ZAN: variants seen among roughly 807,000 people sequenced by gnomAD.
ZAN encodes the protein zonadhesin (gene/pseudogene).
ZAN carries 260 observed loss-of-function variants against 286.2 expected under a neutral mutation model. That is an observed-to-expected ratio of 0.91 (90% CI 0.82 to 1.01). The LOEUF (loss-of-function observed/expected upper bound fraction) is 1.01, where lower values mean the gene tolerates loss of function less well. Ranked by LOEUF, ZAN falls within the 50% of genes least tolerant of loss-of-function variation. The probability of loss-of-function intolerance (pLI) is 0.00; values close to 1 mark genes in which losing one functional copy is unlikely to be tolerated. For missense variants in ZAN, 3,410 were observed against 3,639.2 expected (o/e 0.94, Z 1.62); for synonymous variants, 1,368 against 1,417.5 (o/e 0.97, Z 0.79).
rs753537017 is a variant in ZAN at position 100,746,691 on chromosome 7, C to G, written c.920C>G (p.Ala307Gly). 6.2e-7 allele frequency: 1 copy of G among 1,613,918 alleles called. No individual in the cohort carries two copies. Among genetic ancestry groups the G allele is most frequent in the East Asian group, 2.2e-5 (1 of 44,880 alleles). The change falls in exon 8 of 48, where the codon GCT becomes GGT. Residue 307 changes from alanine to glycine, a missense_variant. By Grantham distance (60) the Ala-to-Gly change is moderately conservative (BLOSUM62 0). Around this residue, in one of 7 missense-constraint regions of ZAN, gnomAD observed 872 missense variants for 938.9 expected, o/e 0.93. Transcript: ENST00000613979. ...CCTGGTGCAGCCCTCCACATTTATG[C>G]TTCAGTCTTGGGTTAGAGCGGAGAA... ...QSPGAALHIYASVLGSIRKHT... is the reference protein window; with the variant it reads ...QSPGAALHIYGSVLGSIRKHT...
At chr7:100,766,745 C>T in intron 24 of ZAN, 79 bp downstream of exon 24, 1 of 1,490,164 alleles carries the variant, frequency 6.7e-7, no homozygotes, top group Non-Finnish European at 9.0e-7. Context: ...CCCAAAGCAG[C>T]TTCCCCAGAC....
rs556045191 is a variant in ZAN at position 100,737,563 on chromosome 7, G to A, written c.613+214G>A. 3.6e-5 allele frequency among the ~76,000 whole-genome samples: 5 copies of A among 140,376 alleles called. 1 individual carries two copies. The highest frequency in any genetic ancestry group is 2.2e-4 in the South Asian group (1 of 4,512). The allele number at this position is 140,376 out of a possible 152,430, so 92.1% of individuals were successfully genotyped here. A position where few individuals can be genotyped will look rare whatever the true frequency, so the allele number is the denominator to read the frequency against. ...CTACTAAAAATACAAAAAATTAGCCGGGCGCGGTGGCGGGCGCCTGTAGTC... is the reference window on the plus strand; with the variant it reads ...CTACTAAAAATACAAAAAATTAGCCAGGCGCGGTGGCGGGCGCCTGTAGTC... On this transcript the variant is annotated intron_variant, in intron 6 of 47. Coordinates refer to ENST00000613979, the MANE Select transcript of ZAN (RefSeq NM_003386.3).
At chr7:100,773,154 T>G (rs983523671) in intron 29 of ZAN, 131 bp from the exon 30 acceptor site, 15 of 937,834 alleles carry the variant, frequency 1.6e-5, no homozygotes, top group Non-Finnish European at 2.2e-5. Flanking sequence ...TCCACCTGCC[T>G]CGGCCTCCCA....
chr7:100,755,732 C>T (rs1809101323), intron 15 of ZAN, among the ~76,000 whole-genome samples: 1 of 151,886 alleles, frequency 6.6e-6, no homozygotes. Context: ...CCACCATGCC[C>T]AGCTAATTTT....
chr7:100,743,017 C>T (rs1374359249), intron 7 of ZAN, among the ~76,000 whole-genome samples: 1 of 130,486 alleles, frequency 7.7e-6, no homozygotes, highest in African/African-American at 2.8e-5. Context: ...AGGCGACACT[C>T]TTTCTTTTTC....
Position 100,750,810 on chromosome 7 carries a change from C to T in ZAN, c.1435C>T (p.Pro479Ser), listed in dbSNP as rs1366070732. The T allele has an allele frequency of 2.5e-6, 4 of 1,608,028 alleles. No homozygotes were observed. Among genetic ancestry groups the T allele is most frequent in the Non-Finnish European group, 3.4e-6 (4 of 1,176,070 alleles). ...AAGTCCTGCGGGGAGTCCCCCGATT[C>T]CTCTCTGGAAACGCGTGGGGTCTCA... ...LGSPAGSPPI[P>S]LWKRVGSQRP... Residue 479 changes from proline to serine, a missense_variant, in exon 12 of 48, where the codon CCT (proline) becomes TCT (serine). Physicochemically the swap from Pro to Ser is moderately conservative, Grantham distance 74. Transcript: ENST00000613979.
chr7:100,750,100 G>A (rs113362714), intron 11 of ZAN, among the ~76,000 whole-genome samples: 2 of 105,384 alleles, frequency 1.9e-5, no homozygotes, highest in East Asian at 6.1e-4. Context: ...ACACACACAC[G>A]ACATTAATGA....
chr7:100,762,802 C>T (rs573017186), intron 20 of ZAN, among the ~76,000 whole-genome samples: 9 of 150,964 alleles, frequency 6.0e-5, no homozygotes, highest in Admixed American at 2.7e-4. Context: ...TGCAATGGCA[C>T]GATCGTGGCT....
intron 14 of ZAN, 57 bp downstream of exon 14, chr7:100,753,286 ACAGT>A (rs1219484658): frequency 3.3e-6 from 5 of 1,500,686 alleles, no homozygotes; most frequent in Non-Finnish European, 3.6e-6. Flanking sequence ...TGACTAGGAG[ACAGT>A]CAGGGAAAGG....
intron 7 of ZAN, among the ~76,000 whole-genome samples, chr7:100,746,272 C>A (rs992493742): frequency 6.6e-6 from 1 of 152,118 alleles, no homozygotes; most frequent in African/African-American, 2.4e-5. Flanking sequence ...AAAGAGTTAG[C>A]ACCCAAAGGT....
Position 100,763,662 on chromosome 7 carries a change from A to G in ZAN, c.3987-144A>G, listed in dbSNP as rs2115998263. On this transcript the variant is annotated intron_variant, in intron 20 of 47. Coordinates refer to ENST00000613979, the MANE Select transcript of ZAN (RefSeq NM_003386.3). The surrounding 1 kb of genome is among the most constrained non-coding windows in gnomAD (Gnocchi z 4.6). ...CTCCCACAGTGCCTGGCCAGGGCTC[A>G]GTGGTCAAACATCCTCTGGGAGGGG... The G allele has an allele frequency of 1.3e-6, 1 of 770,778 alleles. No homozygotes were observed. Among genetic ancestry groups the G allele is most frequent in the Non-Finnish European group, 2.2e-6 (1 of 454,008 alleles). The allele number at this position is 770,778 out of a possible 1,614,324, so 47.7% of individuals were successfully genotyped here. A position where few individuals can be genotyped will look rare whatever the true frequency, so the allele number is the denominator to read the frequency against.
chr7:100,779,554 G>T lies in ZAN; in HGVS notation c.6426G>T (p.Glu2142Asp). The T allele has an allele frequency of 6.2e-7, 1 of 1,611,784 alleles. No homozygotes were observed. Among genetic ancestry groups the T allele is most frequent in the Non-Finnish European group, 8.5e-7 (1 of 1,179,074 alleles). Reference protein sequence around the residue: ...ADLRRAREKCEAALRAPVWAQ... With the variant: ...ADLRRAREKCDAALRAPVWAQ... Reference sequence around the variant, plus strand: ...TCCGCAGGGCGCGGGAAAAGTGCGAGGCAGCGCTCCGGGCTCCTGTGTGGG... The same window carrying T: ...TCCGCAGGGCGCGGGAAAAGTGCGATGCAGCGCTCCGGGCTCCTGTGTGGG... The change falls in exon 35 of 48, where the codon GAG becomes GAT. Residue 2142 changes from glutamate (E) to aspartate (D), a missense_variant. Glu to Asp is a conservative substitution (Grantham distance 45). Around this residue, in one of 7 missense-constraint regions of ZAN, gnomAD observed 1,289 missense variants for 1,314.3 expected, o/e 0.98. Coordinates refer to ENST00000613979, the MANE Select transcript of ZAN (RefSeq NM_003386.3).
chr7:100,778,068 A>C (rs115974245), intron 34 of ZAN, among the ~76,000 whole-genome samples: 5,096 of 152,066 alleles, frequency 0.034, 308 homozygotes, highest in African/African-American at 0.12. Context: ...TGGGAGGCCA[A>C]GACTGGAGGA....
chr7:100,738,854 CTT>C (rs1280742526), intron 7 of ZAN, among the ~76,000 whole-genome samples: 1 of 99,678 alleles, frequency 1.0e-5, no homozygotes, highest in African/African-American at 3.2e-5. Flanking sequence ...TCTTCTTCTT[CTT>C]TCTCTTCCTC....
rs1562935765 is a variant in ZAN at position 100,764,104 on chromosome 7, A to G, written c.4175A>G (p.Gln1392Arg). Residue 1392 changes from glutamine to arginine, a missense_variant, in exon 22 of 48, where the codon CAG becomes CGG. Transcript: ENST00000613979. ...GATATGTGCGGATTCCAGGGGCTGC[A>G]GCACCTGCTGTGCACACACATGTCC... ...MLDMCGFQGL[Q>R]HLLCTHMSTM... 3 of 1,613,510 alleles carry G rather than the reference A, an allele frequency of 1.9e-6. No homozygotes were observed. Among genetic ancestry groups the G allele is most frequent in the Non-Finnish European group, 2.5e-6 (3 of 1,179,718 alleles).
chr7:100,784,733 G>C lies in ZAN; in HGVS notation c.6733G>C (p.Ala2245Pro), dbSNP rs759199367. 6.2e-7 allele frequency: 1 copy of C among 1,613,910 alleles called. No homozygotes were observed. Among genetic ancestry groups the C allele is most frequent in the East Asian group, 2.2e-5 (1 of 44,878 alleles). The change falls in exon 36 of 48, where the codon GCT becomes CCT. Residue 2245 changes from alanine to proline, a missense_variant. Around this residue, in one of 7 missense-constraint regions of ZAN, gnomAD observed 1,289 missense variants for 1,314.3 expected, o/e 0.98. Transcript: ENST00000613979. Reference sequence around the variant, plus strand: ...GGGCGCCAAAGTCCCCTCTGCCTGCGCTGAGGGCTGCATTTGTCAGCCCGG... The same window carrying C: ...GGGCGCCAAAGTCCCCTCTGCCTGCCCTGAGGGCTGCATTTGTCAGCCCGG... ...CEGAKVPSAC[A>P]EGCICQPGYV... is the part of the protein sequence containing the mutation.
At chr7:100,769,413 G>A (rs537478901) in intron 27 of ZAN, among the ~76,000 whole-genome samples, 27 of 152,000 alleles carry the variant, frequency 1.8e-4, no homozygotes, top group African/African-American at 5.8e-4. Flanking sequence ...CTTTTGCTTC[G>A]GTTTGGGAGA....
rs80067406 is a variant in ZAN at position 100,794,252 on chromosome 7, T to C, written c.8119T>C (p.Phe2707Leu). The stretch of plus-strand genomic sequence containing the variant: ...CCTGGGGAACCACACCCAAGGCTGC[T>C]TTCCAGGTGAACCTGCACTCCTGCC... ...CTLGNHTQGC[F>L]PESPCLQNPC... The change falls in exon 44 of 48, where the codon TTT becomes CTT. Residue 2707 changes from phenylalanine to leucine, a missense_variant. Physicochemically the swap from Phe to Leu is conservative, Grantham distance 22. Coordinates refer to ENST00000613979, the MANE Select transcript of ZAN (RefSeq NM_003386.3). 2,100 of 1,601,506 alleles carry C rather than the reference T, an allele frequency of 1.3e-3. 38 individuals are homozygous for C. In the East Asian group the frequency reaches 0.038, roughly 29 times the overall value.
At chr7:100,765,220 C>G in intron 22 of ZAN, 132 bp from the exon 23 acceptor site, 2 of 1,075,626 alleles carry the variant, frequency 1.9e-6, no homozygotes, top group Non-Finnish European at 2.7e-6. Flanking sequence ...GGAAGCTTCT[C>G]ACAGTCACTC....
Sources: gnomAD v4.1 joint callset for allele counts (sites outside exome capture counted in the v4.1 genomes callset) on GRCh38, gnomAD v4.1.1 for gene constraint, gnomAD v4.1.1 regional missense constraint, Gnocchi (gnomAD v3.1) non-coding constraint, MANE v1.5 for transcripts, NCBI Gene and HGNC (gene_info 2026-07-23, HGNC 2026-07-21) for gene names.